AK9: variants seen among roughly 807,000 people sequenced by gnomAD.
The protein encoded by AK9 is adenylate kinase 9.
Under a neutral mutation model 239.6 loss-of-function variants are expected in AK9, and 191 were observed. The ratio of observed to expected loss-of-function variants is 0.80; its 90% CI spans 0.71 to 0.90. The LOEUF (loss-of-function observed/expected upper bound fraction) is 0.90. Ranked by LOEUF, AK9 falls within the 40% of genes least tolerant of loss-of-function variation. The pLI, the probability that AK9 is intolerant of heterozygous loss-of-function variation, is 0.00. For synonymous variants in AK9, 689 were observed against 721.0 expected (o/e 0.96, Z 0.71); for missense variants, 1,995 against 2,214.7 (o/e 0.90, Z 1.99).
chr6:109,625,206 A>G (rs1256987499), intron 12 of AK9, among the ~76,000 whole-genome samples: 1 of 152,198 alleles, frequency 6.6e-6, no homozygotes, highest in Non-Finnish European at 1.5e-5. Flanking sequence ...TAGTCATCAG[A>G]AGGCCAGAAG....
intron 38 of AK9, among the ~76,000 whole-genome samples, chr6:109,496,359 C>A (rs1416011301): frequency 6.6e-6 from 1 of 152,232 alleles, no homozygotes; most frequent in Admixed American, 6.5e-5. Context: ...CTGGCTGCTG[C>A]AGGCACTGTG....
At chr6:109,632,900 T>TAGATAGATAGAC (rs1554276596) in intron 12 of AK9, 23 bp downstream of exon 12, 9 of 1,601,288 alleles carry the variant, frequency 5.6e-6, no homozygotes, top group East Asian at 2.2e-5. Flanking sequence ...GATAGATAGA[T>TAGATAGATAGAC]AGACAGATAG....
intron 12 of AK9, among the ~76,000 whole-genome samples, chr6:109,623,985 A>G (rs1795201036): frequency 6.6e-6 from 1 of 151,580 alleles, no homozygotes; most frequent in Non-Finnish European, 1.5e-5. Context: ...TATTCATGTT[A>G]TTATGCTTAT....
chr6:109,591,306 A>G (rs1302363595), intron 17 of AK9, among the ~76,000 whole-genome samples: 2 of 152,036 alleles, frequency 1.3e-5, no homozygotes, highest in Non-Finnish European at 2.9e-5. Flanking sequence ...TTGTTGATTT[A>G]ATATCTGTTT....
intron 15 of AK9, 134 bp downstream of exon 15, chr6:109,614,049 G>A (rs1793875683): frequency 9.4e-6 from 7 of 748,370 alleles, no homozygotes; most frequent in East Asian, 8.2e-5. Flanking sequence ...AAATCCATAA[G>A]GAAATATTTA....
At chr6:109,656,613 C>A (rs1799729921) in intron 8 of AK9, 143 bp downstream of exon 8, 1 of 936,832 alleles carries the variant, frequency 1.1e-6, no homozygotes, top group Admixed American at 2.9e-5. Flanking sequence ...GGATGGAGGC[C>A]TTTTTCTGAC....
intron 29 of AK9, 29 bp from the exon 30 acceptor site, chr6:109,516,671 T>C (rs1437232624): frequency 3.3e-6 from 5 of 1,507,084 alleles, no homozygotes; most frequent in Non-Finnish European, 3.6e-6. Flanking sequence ...CCTTTTACTA[T>C]ACATATAAAA....
intron 27 of AK9, among the ~76,000 whole-genome samples, chr6:109,537,462 AT>A: frequency 7.0e-6 from 1 of 143,612 alleles, no homozygotes; most frequent in Admixed American, 6.9e-5. Context: ...CCCCTTTATC[AT>A]TTTTTATTGC....
At chr6:109,633,964 A>G (rs1234159847) in intron 10 of AK9, among the ~76,000 whole-genome samples, 1 of 152,206 alleles carries the variant, frequency 6.6e-6, no homozygotes, top group African/African-American at 2.4e-5. Context: ...TTACTTAACC[A>G]TATGATAGAA....
At chr6:109,686,686 C>A (rs1245778959) in intron 1 of AK9, among the ~76,000 whole-genome samples, 1 of 152,212 alleles carries the variant, frequency 6.6e-6, no homozygotes, top group Admixed American at 6.5e-5. Context: ...CTCTGTAGAT[C>A]CTTGCTGTCT....
Position 109,573,662 on chromosome 6 carries a change from A to G in AK9, c.2192-68T>C, listed in dbSNP as rs951853395. On this transcript the variant is annotated intron_variant, in intron 20 of 40. Coordinates refer to ENST00000424296, the MANE Select transcript of AK9 (RefSeq NM_001145128.3). ...AACAAATATTTATTGGGTGTTGATA[A>G]GTGCTGAAGCCAAACAAAGAATATG... The G allele has an allele frequency of 2.8e-6, 4 of 1,420,794 alleles. No individual in the cohort carries two copies. In the East Asian group the frequency reaches 1.0e-4, roughly 35 times the overall value. 88.0% of individuals were successfully genotyped at this position (1,420,794 alleles called of 1,614,324 possible).
At chr6:109,535,016 T>G (rs374981481) in intron 27 of AK9, among the ~76,000 whole-genome samples, 23 of 152,338 alleles carry the variant, frequency 1.5e-4, no homozygotes, top group South Asian at 1.4e-3. Context: ...TGATGGACAT[T>G]TGGTTTGGTT....
chr6:109,516,417 GA>G lies in AK9; in HGVS notation c.3846+12del. Reference sequence around the variant, plus strand: ...TACTTTTGAATTATAAAAAGCAAAGGAAAAGTAATAACCTGTATTATTTGTA... The same window carrying G: ...TACTTTTGAATTATAAAAAGCAAAGGAAAGTAATAACCTGTATTATTTGTA... On this transcript the variant is annotated intron_variant, in intron 30 of 40. Transcript: ENST00000424296. 6.5e-7 allele frequency: 1 copy of G among 1,540,910 alleles called. No homozygotes were observed. Among genetic ancestry groups the G allele is most frequent in the Non-Finnish European group, 8.8e-7 (1 of 1,139,872 alleles).
intron 21 of AK9, among the ~76,000 whole-genome samples, chr6:109,565,154 T>C (rs1176316722): frequency 6.6e-6 from 1 of 152,208 alleles, no homozygotes; most frequent in Non-Finnish European, 1.5e-5. Flanking sequence ...AGACTAACAA[T>C]GCCTGATATT....
chr6:109,637,942 A>G (rs1309207469), intron 10 of AK9, among the ~76,000 whole-genome samples: 1 of 152,162 alleles, frequency 6.6e-6, no homozygotes, highest in Non-Finnish European at 1.5e-5. Context: ...GTCTGGTTCA[A>G]TCAGTCTGGG....
At chr6:109,684,840 C>A (rs1773242865) in intron 1 of AK9, among the ~76,000 whole-genome samples, 1 of 121,920 alleles carries the variant, frequency 8.2e-6, no homozygotes, top group African/African-American at 3.1e-5. Context: ...CGCCACTGCA[C>A]TCCAGCCTGG....
rs1312490898 is a variant in AK9 at position 109,529,026 on chromosome 6, A to G, written c.3618T>C (p.Asp1206=). The G allele has an allele frequency of 5.0e-6, 8 of 1,597,296 alleles. No homozygotes were observed. The highest frequency in any genetic ancestry group is 6.8e-6 in the Non-Finnish European group (8 of 1,175,374). ...AACTACTTACCTCCCTCCTTTTTTT[A>G]TCTCTCTCTAATATAAGTTCAGCCC... ...KRRAELILER[D]KKRRENVVRD... Residue 1206 remains aspartate (D), a synonymous_variant, in exon 29 of 41, where the codon GAT becomes GAC. Transcript: ENST00000424296.
chr6:109,676,420 G>A (rs1771760645), intron 1 of AK9, among the ~76,000 whole-genome samples: 1 of 152,070 alleles, frequency 6.6e-6, no homozygotes, highest in East Asian at 1.9e-4. Context: ...AAACAAATAA[G>A]GTCACAACAG....
At position 109,659,287 on chromosome 6, in the gene AK9, CTTCT is replaced by C; in HGVS notation, c.567_570del (p.Glu190ProfsTer36). ...TCTTCTCCTTTTCCGTCCTTTTGGGCTTCTTTCTTCTTTTTCCTATGATTCTCAA... is the reference window on the plus strand; with the variant it reads ...TCTTCTCCTTTTCCGTCCTTTTGGGCTTCTTCTTTTTCCTATGATTCTCAA... On this transcript the variant is annotated frameshift_variant, in exon 7 of 41. Coordinates refer to ENST00000424296, the MANE Select transcript of AK9 (RefSeq NM_001145128.3). LOFTEE classifies it high-confidence loss of function. 1 of 1,605,108 alleles carries C rather than the reference CTTCT, an allele frequency of 6.2e-7. No homozygotes were observed. The highest frequency in any genetic ancestry group is 8.5e-7 in the Non-Finnish European group (1 of 1,177,578).
Sources: gnomAD v4.1 joint callset for allele counts (sites outside exome capture counted in the v4.1 genomes callset) on GRCh38, gnomAD v4.1.1 for gene constraint, MANE v1.5 for transcripts, NCBI Gene and HGNC (gene_info 2026-07-23, HGNC 2026-07-21) for gene names.